DNAH2: variants seen among roughly 807,000 people sequenced by gnomAD.
The protein encoded by DNAH2 is dynein axonemal heavy chain 2.
In DNAH2, 323 loss-of-function variants were observed where a neutral mutation model predicts 523.5. The observed-to-expected ratio is 0.62, with a 90% CI of 0.56 to 0.68. The LOEUF is 0.68. Ranked by LOEUF, DNAH2 falls within the 30% of genes least tolerant of loss-of-function variation. The probability of loss-of-function intolerance (pLI) is 0.00; values close to 1 mark genes in which losing one functional copy is unlikely to be tolerated. For missense variants in DNAH2, 4,907 were observed against 5,701.5 expected (o/e 0.86, Z 4.49); for synonymous variants, 2,093 against 2,177.4 (o/e 0.96, Z 1.08).
chr17:7,733,669 G>A (rs1305938250), intron 5 of DNAH2, among the ~76,000 whole-genome samples: 1 of 151,852 alleles, frequency 6.6e-6, no homozygotes, highest in Non-Finnish European at 1.5e-5. Flanking sequence ...AGTAGAGATG[G>A]GGTTTCACCA....
rs373619293 is a variant in DNAH2, at chr17:7,780,920, G to C, written c.6004-122G>C. On this transcript the variant is annotated intron_variant, in intron 38 of 85. Transcript: ENST00000572933. This position sits in a 1 kb window ranked among gnomAD's most constrained non-coding sequence, Gnocchi z 4.4. ...ACCTCGTCCCATCCCCGTGTTGCCC[G>C]CTGCTTTGCTAATGGCTAACTGGTG... 197 of 1,580,346 alleles carry C rather than the reference G, an allele frequency of 1.2e-4. 1 individual carries two copies. The African/African-American group carries it at 2.3e-3, about 18-fold the overall frequency.
At position 7,823,952 on chromosome 17, in the gene DNAH2, C is replaced by A; in HGVS notation, c.11448C>A (p.Phe3816Leu). 1 of 1,613,822 alleles carries A rather than the reference C, an allele frequency of 6.2e-7. No homozygotes were observed. Among genetic ancestry groups the A allele is most frequent in the South Asian group, 1.1e-5 (1 of 91,086 alleles). Residue 3816 changes from phenylalanine (F) to leucine (L), a missense_variant, in exon 75 of 86, where the codon TTC becomes TTA. Around this residue, in one of 3 missense-constraint regions of DNAH2, gnomAD observed 1,851 missense variants for 2,139.4 expected, o/e 0.87. Transcript: ENST00000572933. ...TCATCACCAACCTTGGCTCCCGCTT[C>A]ATCGAGCCGCCTGTGCTGAATATGA... ...SFIITNLGSR[F>L]IEPPVLNMKS...
intron 49 of DNAH2, among the ~76,000 whole-genome samples, chr17:7,795,771 T>C (rs1304661167): frequency 2.7e-5 from 4 of 147,396 alleles, no homozygotes; most frequent in Non-Finnish European, 6.0e-5. Flanking sequence ...CCAAAGCAGG[T>C]GGATCACCTG....
intron 9 of DNAH2, 110 bp downstream of exon 9, chr17:7,740,048 G>A (rs1245896151): frequency 3.9e-6 from 4 of 1,016,856 alleles, no homozygotes; most frequent in South Asian, 1.6e-5. Context: ...AGGACAGATC[G>A]GGATCAGGGC....
chr17:7,778,170 C>T lies in DNAH2; in HGVS notation c.5341C>T (p.Leu1781=). The T allele has an allele frequency of 1.2e-6, 2 of 1,614,264 alleles. No homozygotes were observed. Among genetic ancestry groups the T allele is most frequent in the South Asian group, 2.2e-5 (2 of 91,076 alleles). The change falls in exon 34 of 86, where the codon CTG becomes TTG. Residue 1781 remains leucine (L), a synonymous_variant. Coordinates refer to ENST00000572933, the MANE Select transcript of DNAH2 (RefSeq NM_020877.5). ...CTCGGGCCGGCTCGTCATCACCCCC[C>T]TGACGGACAGGTCTGCCATGTGGGA... is the stretch of plus-strand genomic sequence containing the variant. The part of the protein sequence containing the change: ...GNSGRLVITP[L]TDRCYMTLTT...
chr17:7,797,934 C>G (rs1259274736), intron 53 of DNAH2, 105 bp downstream of exon 53: 1 of 1,478,364 alleles, frequency 6.8e-7, no homozygotes. Context: ...GTTCCAGAAG[C>G]TGCCTTTCTC....
chr17:7,778,667 C>T (rs149971789), intron 35 of DNAH2, among the ~76,000 whole-genome samples, 198 bp downstream of exon 35: 75 of 152,198 alleles, frequency 4.9e-4, no homozygotes, highest in African/African-American at 1.8e-3. Context: ...CTGCTGGGTT[C>T]GGGCAATTCT....
chr17:7,768,390 T>C (rs939763322), intron 24 of DNAH2, 123 bp downstream of exon 24: 10 of 920,948 alleles, frequency 1.1e-5, no homozygotes, highest in Non-Finnish European at 1.5e-5. Context: ...TCCACAAATG[T>C]ATGTCTTTTT....
intron 10 of DNAH2, 103 bp from the exon 11 acceptor site, chr17:7,740,707 G>T: frequency 6.5e-6 from 10 of 1,535,796 alleles, no homozygotes; most frequent in Admixed American, 3.8e-5. Context: ...GCGTCCCCGG[G>T]AGTGTGACTC....
At chr17:7,731,947 T>C (rs62062612) in intron 4 of DNAH2, among the ~76,000 whole-genome samples, 16,099 of 150,588 alleles carry the variant, frequency 0.11, 965 homozygotes, top group Non-Finnish European at 0.12. Context: ...GAGAATCGCT[T>C]GAACCCGGGA....
Position 7,786,174 on chromosome 17 carries a change from G to A in DNAH2, c.6180G>A (p.Thr2060=), listed in dbSNP as rs1247579286. 7 of 1,613,906 alleles carry A rather than the reference G, an allele frequency of 4.3e-6. No individual in the cohort carries two copies. Among genetic ancestry groups the A allele is most frequent in the East Asian group, 2.2e-5 (1 of 44,864 alleles). The stretch of plus-strand genomic sequence containing the variant: ...TTCGAGACATGGGCCTGCAAAGCAC[G>A]CCGTTCACCCTCACCAAGGTTTTCC... ...QEIRDMGLQS[T]PFTLTKVFQL... is the part of the protein sequence containing the mutation. The change falls in exon 40 of 86, where the codon ACG becomes ACA. Residue 2060 remains threonine, a synonymous_variant. Transcript: ENST00000572933. This position sits in a 1 kb window ranked among gnomAD's most constrained non-coding sequence, Gnocchi z 7.5.
chr17:7,796,021 A>G (rs2077051857), intron 49 of DNAH2, among the ~76,000 whole-genome samples: 1 of 145,322 alleles, frequency 6.9e-6, no homozygotes, highest in Non-Finnish European at 1.5e-5. Flanking sequence ...AGTATTTGTC[A>G]GTTGTCTTAT....
chr17:7,827,264 C>T (rs2078046165), intron 77 of DNAH2, among the ~76,000 whole-genome samples: 4 of 151,486 alleles, frequency 2.6e-5, no homozygotes, highest in Admixed American at 2.0e-4. Context: ...GCTATCTTTC[C>T]TTTTTTAAAT....
At chr17:7,726,594 C>T (rs555333787) in intron 3 of DNAH2, among the ~76,000 whole-genome samples, 72 of 152,268 alleles carry the variant, frequency 4.7e-4, no homozygotes, top group African/African-American at 1.7e-3. Flanking sequence ...TGAGCCACCG[C>T]GCCCAGCCCT....
intron 8 of DNAH2, 66 bp from the exon 9 acceptor site, chr17:7,739,667 C>T: frequency 1.4e-6 from 2 of 1,448,826 alleles, no homozygotes; most frequent in South Asian, 1.2e-5. Flanking sequence ...TGAAGCTAAA[C>T]CAAATAGCTT....
At position 7,833,719 on chromosome 17, in the gene DNAH2, G is replaced by A; in HGVS notation, c.*186G>A. 1.2e-6 allele frequency: 1 copy of A among 806,280 alleles called. No homozygotes were observed. Among genetic ancestry groups the A allele is most frequent in the Non-Finnish European group, 2.1e-6 (1 of 482,806 alleles). The allele number at this position is 806,280 out of a possible 1,614,324, so 49.9% of individuals were successfully genotyped here. ...TGAAAGAGTTGTATTGGAGCTCAGT[G>A]CTGTAAAACACCCGCGACAACAAGC... On this transcript the variant is annotated 3_prime_UTR_variant, in exon 86 of 86. Transcript: ENST00000572933.
chr17:7,798,963 T>C lies in DNAH2; in HGVS notation c.8560-140T>C. Reference sequence around the variant, plus strand: ...GTTCCAGCTACTCGGGGGTGGGGGGTGCTGAAGTGGGAGGATGGTTTGAGG... The same window carrying C: ...GTTCCAGCTACTCGGGGGTGGGGGGCGCTGAAGTGGGAGGATGGTTTGAGG... On this transcript the variant is annotated intron_variant, in intron 55 of 85. Coordinates refer to ENST00000572933, the MANE Select transcript of DNAH2 (RefSeq NM_020877.5). The surrounding 1 kb of genome is among the most constrained non-coding windows in gnomAD (Gnocchi z 5.5). The C allele has an allele frequency of 7.9e-7, 1 of 1,258,332 alleles. No homozygotes were observed. The allele number at this position is 1,258,332 out of a possible 1,614,324, so 77.9% of individuals were successfully genotyped here. A position where few individuals can be genotyped will look rare whatever the true frequency, so the allele number is the denominator to read the frequency against.
At chr17:7,788,974 G>T (rs2076821275) in intron 44 of DNAH2, among the ~76,000 whole-genome samples, 1 of 152,168 alleles carries the variant, frequency 6.6e-6, no homozygotes, top group Non-Finnish European at 1.5e-5. Flanking sequence ...AGACCAGCCT[G>T]GCCAACATGG....
chr17:7,723,248 GT>G (rs1471597351), intron 2 of DNAH2, among the ~76,000 whole-genome samples: 1 of 142,022 alleles, frequency 7.0e-6, no homozygotes, highest in Non-Finnish European at 1.5e-5. Flanking sequence ...GGGATTACAG[GT>G]GTGAGCCACT....
Sources: gnomAD v4.1 joint callset for allele counts (sites outside exome capture counted in the v4.1 genomes callset) on GRCh38, gnomAD v4.1.1 for gene constraint, gnomAD v4.1.1 regional missense constraint, Gnocchi (gnomAD v3.1) non-coding constraint, MANE v1.5 for transcripts, NCBI Gene and HGNC (gene_info 2026-07-23, HGNC 2026-07-21) for gene names.